The following KLHL32 variants were observed in gnomAD, a reference collection of about 807,000 sequenced individuals.
KLHL32 encodes kelch-like protein 32.
In KLHL32, 35 loss-of-function variants were observed where a neutral mutation model predicts 64.8. That is an observed-to-expected ratio of 0.54 (90% CI 0.41 to 0.72). The LOEUF (loss-of-function observed/expected upper bound fraction) is 0.72. Among genes scored for constraint, KLHL32 ranks in the 30% least tolerant of loss-of-function variants. The pLI is 0.00. For synonymous variants in KLHL32, 259 were observed against 281.0 expected (o/e 0.92, Z 0.78); for missense variants, 589 against 768.5 (o/e 0.77, Z 2.76).
intron 3 of KLHL32, among the ~76,000 whole-genome samples, chr6:97,008,803 A>G (rs1779999373): frequency 6.6e-6 from 1 of 151,242 alleles, no homozygotes; most frequent in Non-Finnish European, 1.5e-5. Flanking sequence ...CCTTCCATCC[A>G]CTCATTGCCT....
the KLHL32 span, among the ~76,000 whole-genome samples, chr6:96,899,119 T>C: frequency 6.6e-6 from 1 of 152,248 alleles, no homozygotes; most frequent in African/African-American, 2.4e-5. Flanking sequence ...GGAAGACGGC[T>C]TCAGCCACTC....
chr6:97,107,861 C>T (rs551689808), intron 6 of KLHL32, among the ~76,000 whole-genome samples: 23 of 152,226 alleles, frequency 1.5e-4, no homozygotes, highest in African/African-American at 4.8e-4. Context: ...GCCTAAAAAC[C>T]GAATTTTCCA....
At chr6:96,911,036 T>C in the KLHL32 span, among the ~76,000 whole-genome samples, 1 of 152,216 alleles carries the variant, frequency 6.6e-6, no homozygotes, top group East Asian at 1.9e-4. Context: ...AGTATCTTTT[T>C]AAAACTGTAC....
chr6:97,053,661 TG>T (rs1787316085), intron 4 of KLHL32, among the ~76,000 whole-genome samples: 1 of 152,096 alleles, frequency 6.6e-6, no homozygotes, highest in Admixed American at 6.5e-5. Flanking sequence ...ATAAAGATTT[TG>T]TGATTGTAAT....
chr6:97,050,485 GCT>G (rs1305766430), intron 4 of KLHL32, among the ~76,000 whole-genome samples: 1 of 152,152 alleles, frequency 6.6e-6, no homozygotes, highest in Non-Finnish European at 1.5e-5. Context: ...CGCAGGTAGG[GCT>G]TGTGTATTTT....
rs562059045 is a variant in KLHL32, at chr6:97,068,276, T to G, written c.411+3550T>G. On this transcript the variant is annotated intron_variant, in intron 5 of 10. Transcript: ENST00000369261. ...TATGTGCACCAAGTATCATTGTCTT[T>G]TTAATAATATGCAATTTAAATGTAT... Among the ~76,000 whole-genome samples the G allele has an allele frequency of 2.6e-5, 4 of 152,344 alleles. No homozygotes were observed. In the South Asian group the frequency reaches 8.3e-4, roughly 32 times the overall value.
intron 6 of KLHL32, among the ~76,000 whole-genome samples, chr6:97,088,432 C>G (rs1425184490): frequency 1.3e-5 from 2 of 152,126 alleles, no homozygotes; most frequent in African/African-American, 4.8e-5. Flanking sequence ...TATTAGCTCC[C>G]AATTAGAACT....
At chr6:97,027,171 A>G (rs1782840239) in intron 3 of KLHL32, among the ~76,000 whole-genome samples, 1 of 151,876 alleles carries the variant, frequency 6.6e-6, no homozygotes, top group African/African-American at 2.4e-5. Context: ...CAAAAAAAAA[A>G]AAAAAAGAAA....
At chr6:97,010,454 G>A (rs1165724759) in intron 3 of KLHL32, among the ~76,000 whole-genome samples, 1 of 152,150 alleles carries the variant, frequency 6.6e-6, no homozygotes, top group East Asian at 1.9e-4. Flanking sequence ...ACATTTATCA[G>A]CATCATTTAA....
upstream of KLHL32, among the ~76,000 whole-genome samples, chr6:96,923,635 G>A (rs1768835578): frequency 1.3e-5 from 2 of 152,184 alleles, no homozygotes; most frequent in Admixed American, 6.5e-5. Context: ...TGAGACCAAT[G>A]AGAACATTAA....
chr6:96,979,586 C>T (rs895860843), intron 3 of KLHL32, among the ~76,000 whole-genome samples: 6 of 152,034 alleles, frequency 3.9e-5, no homozygotes, highest in Admixed American at 2.0e-4. Context: ...TCAAACTATA[C>T]TACAAACAAT....
chr6:96,999,134 G>A (rs530606570), intron 3 of KLHL32, among the ~76,000 whole-genome samples: 2 of 152,294 alleles, frequency 1.3e-5, no homozygotes, highest in East Asian at 3.9e-4. Flanking sequence ...GGATACTCAT[G>A]CCTGTAATCT....
chr6:97,111,033 G>GGGT (rs1554243689), intron 6 of KLHL32, among the ~76,000 whole-genome samples: 1 of 151,066 alleles, frequency 6.6e-6, no homozygotes, highest in African/African-American at 2.5e-5. Flanking sequence ...AAAGTCTTGG[G>GGGT]GGGGGGGGGT....
At chr6:97,112,427 A>G (rs1349235131) in intron 6 of KLHL32, among the ~76,000 whole-genome samples, 1 of 151,980 alleles carries the variant, frequency 6.6e-6, no homozygotes, top group Non-Finnish European at 1.5e-5. Flanking sequence ...TCCATAAATG[A>G]ATTGTGGTTT....
chr6:97,103,412 A>C (rs907905542), intron 6 of KLHL32, among the ~76,000 whole-genome samples: 1 of 152,032 alleles, frequency 6.6e-6, no homozygotes, highest in Non-Finnish European at 1.5e-5. Flanking sequence ...ATGGGGTTTC[A>C]CCATGTTAGC....
At chr6:96,934,930 C>A (rs1310150914) in intron 1 of KLHL32, among the ~76,000 whole-genome samples, 1 of 152,160 alleles carries the variant, frequency 6.6e-6, no homozygotes, top group African/African-American at 2.4e-5. Flanking sequence ...AGAGAGACTA[C>A]AGTTTCAAAT....
At position 96,930,541 on chromosome 6, in the gene KLHL32, T is replaced by G. The variant is rs574530908; in HGVS notation, c.-66+5515T>G. Among the ~76,000 whole-genome samples, 141 of 152,308 alleles carry G rather than the reference T, an allele frequency of 9.3e-4. 1 individual carries two copies. The highest frequency in any genetic ancestry group is 3.3e-3 in the African/African-American group (138 of 41,564). On this transcript the variant is annotated intron_variant, in intron 1 of 10. Transcript: ENST00000369261. The stretch of plus-strand genomic sequence containing the variant: ...TGTGTAATAAAATCTCAGTACTTAT[T>G]AATTCCTTCCCTCTGCCTCCCCTTT...
At chr6:97,076,451 C>T (rs1340827539) in intron 5 of KLHL32, among the ~76,000 whole-genome samples, 1 of 152,188 alleles carries the variant, frequency 6.6e-6, no homozygotes, top group Non-Finnish European at 1.5e-5. Flanking sequence ...TCACTTTTCG[C>T]AATTTTTAGA....
intron 4 of KLHL32, among the ~76,000 whole-genome samples, chr6:97,043,106 A>G (rs569260799): frequency 3.3e-5 from 5 of 152,316 alleles, no homozygotes; most frequent in Non-Finnish European, 7.4e-5. Context: ...CCAGAAGCAG[A>G]TGCTGGAGCT....
Sources: gnomAD v4.1 joint callset for allele counts (sites outside exome capture counted in the v4.1 genomes callset) on GRCh38, gnomAD v4.1.1 for gene constraint, MANE v1.5 for transcripts, NCBI Gene and HGNC (gene_info 2026-07-23, HGNC 2026-07-21) for gene names.